The following NDE1 variants were observed in gnomAD, a reference collection of about 807,000 sequenced individuals.
NDE1 encodes nudE neurodevelopment protein 1, also known as nuclear distribution protein nudE homolog 1.
NDE1 carries 28 observed loss-of-function variants against 43.4 expected under a neutral mutation model. That is an observed-to-expected ratio of 0.65 (90% confidence interval 0.48 to 0.89). The LOEUF is 0.89. NDE1 is among the 40% of genes least tolerant of loss of function. The pLI, the probability that NDE1 is intolerant of heterozygous loss-of-function variation, is 0.00. For missense variants in NDE1, 441 were observed against 434.1 expected (o/e 1.02, Z -0.14); for synonymous variants, 184 against 172.0 (o/e 1.07, Z -0.55).
At chr16:15,718,046 G>A (rs545672546) in intron 8 of NDE1, 8 of 554,850 alleles carry the variant, frequency 1.4e-5, no homozygotes, top group South Asian at 4.1e-5. Flanking sequence ...CCCAAGGCCC[G>A]GACTCCAGGG....
Position 15,691,285 on chromosome 16 carries a change from C to T in NDE1, c.665C>T (p.Pro222Leu). ...TCCACGCCCATTGCTCACCGAGGAC[C>T]CAGCTCAAGTTTAAACACACCTGGG... ...VPSTPIAHRG[P>L]SSSLNTPGSF... The change falls in exon 6 of 9, where the codon CCC becomes CTC. Residue 222 changes from proline to leucine, a missense_variant. By Grantham distance (98) the Pro-to-Leu change is moderately conservative. Transcript: ENST00000396354. The T allele has an allele frequency of 1.2e-6, 2 of 1,614,120 alleles. No individual in the cohort carries two copies. The highest frequency in any genetic ancestry group is 1.7e-6 in the Non-Finnish European group (2 of 1,180,024).
At chr16:15,710,050 TTA>T (rs2039690713) in intron 8 of NDE1, among the ~76,000 whole-genome samples, 1 of 152,224 alleles carries the variant, frequency 6.6e-6, no homozygotes, top group African/African-American at 2.4e-5. Flanking sequence ...GTGCCTGATT[TTA>T]TGTTTTTGTG....
intron 2 of NDE1, among the ~76,000 whole-genome samples, chr16:15,665,718 T>G (rs150951224): frequency 0.017 from 2,518 of 151,824 alleles, 71 homozygotes; most frequent in African/African-American, 0.057. Context: ...GTTCTGGAAT[T>G]ACAGGCATGA....
chr16:15,710,519 A>G (rs1316749472), intron 8 of NDE1, among the ~76,000 whole-genome samples: 1 of 151,762 alleles, frequency 6.6e-6, no homozygotes, highest in Admixed American at 6.6e-5. Flanking sequence ...GACTCCGTCT[A>G]AAAATAAATA....
rs2038925230 is a variant in NDE1 at position 15,694,658 on chromosome 16, C to T, written c.795+402C>T. 7.1e-6 allele frequency: 7 copies of T among 985,176 alleles called. No homozygotes were observed. The South Asian group carries it at 2.3e-4, about 33-fold the overall frequency. 61.0% of individuals were successfully genotyped at this position (985,176 alleles called of 1,614,324 possible). A position where few individuals can be genotyped will look rare whatever the true frequency, so the allele number is the denominator to read the frequency against. On this transcript the variant is annotated intron_variant, in intron 7 of 8. Coordinates refer to ENST00000396354, the MANE Select transcript of NDE1 (RefSeq NM_017668.3). ...CCAATGCGTCCAGCCCCTTTCATAG[C>T]AGTGTGGTGAGTTTTAGGTGTGGCT...
chr16:15,659,748 CT>C (rs36112475), intron 1 of NDE1, among the ~76,000 whole-genome samples: 6,505 of 98,934 alleles, frequency 0.066, 414 homozygotes, highest in African/African-American at 0.21. Context: ...TGGACACAAT[CT>C]TTTTTTTTTT....
intron 8 of NDE1, chr16:15,699,568 T>G: frequency 8.4e-7 from 1 of 1,187,166 alleles, no homozygotes; most frequent in Non-Finnish European, 1.1e-6. Flanking sequence ...GAGAGCCAGG[T>G]AGCCAGTGTC....
At chr16:15,652,933 C>T (rs542752716) in intron 1 of NDE1, among the ~76,000 whole-genome samples, 15 of 152,140 alleles carry the variant, frequency 9.9e-5, no homozygotes, top group South Asian at 4.2e-4. Flanking sequence ...CCCAACGTGC[C>T]GGGGTGGGAG....
At position 15,694,353 on chromosome 16, in the gene NDE1, CTTTTTTTTTA is replaced by C. The variant is rs546308029; in HGVS notation, c.795+98_795+107del. 4.6e-4 allele frequency: 695 copies of C among 1,518,316 alleles called. 4 individuals are homozygous for C. In the African/African-American group the frequency reaches 8.3e-3, roughly 18 times the overall value. 94.1% of individuals were successfully genotyped at this position (1,518,316 alleles called of 1,614,324 possible). A position where few individuals can be genotyped will look rare whatever the true frequency, so the allele number is the denominator to read the frequency against. On this transcript the variant is annotated intron_variant, in intron 7 of 8. Coordinates refer to ENST00000396354, the MANE Select transcript of NDE1 (RefSeq NM_017668.3). ...AGTTCCTTCCCTCTCTTCTTTTTTT[CTTTTTTTTTA>C]GAGACAGGGTCTTGCTCTGTTGCTC...
chr16:15,678,553 T>C (rs2038004424), intron 4 of NDE1, among the ~76,000 whole-genome samples: 1 of 152,058 alleles, frequency 6.6e-6, no homozygotes, highest in Admixed American at 6.6e-5. Flanking sequence ...TTAGTAGGGA[T>C]GGGCTCTTGC....
intron 8 of NDE1, among the ~76,000 whole-genome samples, chr16:15,706,275 T>C (rs2039449235): frequency 6.6e-6 from 1 of 152,186 alleles, no homozygotes; most frequent in Non-Finnish European, 1.5e-5. Context: ...CTTAAGTCTT[T>C]TTCTTTTTTA....
intron 8 of NDE1, 104 bp from the exon 9 acceptor site, chr16:15,724,087 G>A (rs970951987): frequency 1.0e-5 from 16 of 1,604,006 alleles, no homozygotes; most frequent in African/African-American, 1.3e-5. Flanking sequence ...CCAGAGCCAC[G>A]CGTCATACTC....
chr16:15,706,421 G>C (rs571353275), intron 8 of NDE1, among the ~76,000 whole-genome samples: 71 of 152,224 alleles, frequency 4.7e-4, no homozygotes, highest in Middle Eastern at 3.4e-3. Flanking sequence ...ACCCTGATGG[G>C]TTGGCCAGTT....
chr16:15,714,503 A>AG (rs2040003460), intron 8 of NDE1: 2 of 319,392 alleles, frequency 6.3e-6, no homozygotes, highest in Non-Finnish European at 1.2e-5. Flanking sequence ...AGCAGTGCTG[A>AG]GGGGGAGAAA....
chr16:15,693,142 C>T (rs1392436310), intron 6 of NDE1, among the ~76,000 whole-genome samples: 1 of 152,026 alleles, frequency 6.6e-6, no homozygotes, highest in Non-Finnish European at 1.5e-5. Flanking sequence ...GCTGGGATTA[C>T]AGGCAGGCAC....
At chr16:15,717,498 C>CTT (rs2040224958) in intron 8 of NDE1, 1 of 769,774 alleles carries the variant, frequency 1.3e-6, no homozygotes, top group Admixed American at 2.5e-5. Context: ...AAACTCCACT[C>CTT]AAGAGCTTCT....
chr16:15,695,845 T>G (rs1258239827), intron 7 of NDE1: 3 of 383,334 alleles, frequency 7.8e-6, no homozygotes, highest in African/African-American at 2.2e-5. Flanking sequence ...AGTGTCCTTT[T>G]GGTTTCCTCA....
intron 8 of NDE1, chr16:15,714,687 AG>A (rs1441694436): frequency 3.2e-6 from 2 of 621,684 alleles, no homozygotes; most frequent in African/African-American, 3.7e-5. Context: ...CGATCGTTAA[AG>A]GATCTAGAAG....
chr16:15,687,318 T>A (rs1168206194), intron 4 of NDE1, 57 bp from the exon 5 acceptor site: 1 of 1,612,900 alleles, frequency 6.2e-7, no homozygotes, highest in South Asian at 1.1e-5. Flanking sequence ...GGATCCGCGG[T>A]GCTGGAGGGA....
Sources: allele counts gnomAD v4.1 joint callset (sites outside exome capture counted in the v4.1 genomes callset), GRCh38; gene constraint gnomAD v4.1.1; transcripts MANE v1.5; gene names NCBI Gene and HGNC (gene_info 2026-07-23, HGNC 2026-07-21).